The following FAM13A variants were observed in gnomAD, a reference collection of about 807,000 sequenced individuals.
The protein encoded by FAM13A is family with sequence similarity 13 member A.
A neutral mutation model predicts 129.6 loss-of-function variants in FAM13A; 76 were observed. The ratio of observed to expected loss-of-function variants is 0.59; its 90% CI spans 0.49 to 0.71. The LOEUF (loss-of-function observed/expected upper bound fraction) is 0.71, where lower values mean the gene tolerates loss of function less well. Among genes scored for constraint, FAM13A ranks in the 30% least tolerant of loss-of-function variants. The pLI, the probability that FAM13A is intolerant of heterozygous loss-of-function variation, is 0.00. For missense variants in FAM13A, 1,108 were observed against 1,249.3 expected (o/e 0.89, Z 1.70); for synonymous variants, 443 against 449.9 (o/e 0.98, Z 0.20).
At chr4:88,875,662 G>C (rs1375431029) in intron 6 of FAM13A, among the ~76,000 whole-genome samples, 1 of 152,180 alleles carries the variant, frequency 6.6e-6, no homozygotes, top group African/African-American at 2.4e-5. Context: ...AGAGAATGTG[G>C]AGAAATAGGA....
At chr4:89,028,170 C>T (rs1768219199) in intron 2 of FAM13A, among the ~76,000 whole-genome samples, 1 of 144,582 alleles carries the variant, frequency 6.9e-6, no homozygotes, top group African/African-American at 2.6e-5. Flanking sequence ...TACGCCATTG[C>T]ACTACAGCCT....
At chr4:88,951,039 C>CTGTTATGCTG (rs1756867605) in intron 4 of FAM13A, among the ~76,000 whole-genome samples, 1 of 152,168 alleles carries the variant, frequency 6.6e-6, no homozygotes, top group Non-Finnish European at 1.5e-5. Flanking sequence ...GCTGGGTCCT[C>CTGTTATGCTG]TGTTATGCTG....
intron 8 of FAM13A, among the ~76,000 whole-genome samples, chr4:88,793,469 T>C (rs1725577834): frequency 6.6e-6 from 1 of 152,026 alleles, no homozygotes; most frequent in Non-Finnish European, 1.5e-5. Flanking sequence ...CTTTGGAATT[T>C]CTGGTATATT....
intron 3 of FAM13A, among the ~76,000 whole-genome samples, chr4:89,016,660 G>C (rs1333518316): frequency 6.6e-6 from 1 of 152,000 alleles, no homozygotes; most frequent in African/African-American, 2.4e-5. Flanking sequence ...TTTGAGACAG[G>C]GTTTCACTCT....
At chr4:88,759,813 A>G (rs1744435408) in intron 13 of FAM13A, among the ~76,000 whole-genome samples, 1 of 152,210 alleles carries the variant, frequency 6.6e-6, no homozygotes, top group Non-Finnish European at 1.5e-5. Flanking sequence ...GCTGATATTC[A>G]AATTAATAAT....
intron 1 of FAM13A, among the ~76,000 whole-genome samples, chr4:89,046,686 C>CA (rs11314986): frequency 6.6e-6 from 1 of 151,720 alleles, no homozygotes; most frequent in East Asian, 1.9e-4. Context: ...CTCTTTTCTG[C>CA]AAAAAAATAC....
intron 4 of FAM13A, among the ~76,000 whole-genome samples, chr4:88,945,134 C>A (rs1484844885): frequency 6.6e-6 from 1 of 152,120 alleles, no homozygotes; most frequent in Non-Finnish European, 1.5e-5. Context: ...CTACATTATA[C>A]CTGTAATTAG....
chr4:88,870,603 G>A lies in FAM13A; in HGVS notation c.844-19420C>T, dbSNP rs139590501. ...GGGGAGGGGCATCTGCCATCACTGA[G>A]GCTTGAGTAGGTAAACAAAGCGGCC... On this transcript the variant is annotated intron_variant, in intron 6 of 23. Coordinates refer to ENST00000264344, the MANE Select transcript of FAM13A (RefSeq NM_014883.4). Among the ~76,000 whole-genome samples the A allele has an allele frequency of 1.8e-4, 27 of 152,362 alleles. No homozygotes were observed. In the East Asian group the frequency reaches 5.2e-3, roughly 29 times the overall value.
chr4:88,889,771 G>A (rs1478399559), intron 6 of FAM13A, among the ~76,000 whole-genome samples: 1 of 152,170 alleles, frequency 6.6e-6, no homozygotes, highest in Non-Finnish European at 1.5e-5. Context: ...GAAGATGGAA[G>A]CAGCCTGTGA....
chr4:88,963,246 ACAACAATGGGTTGGCCACC>A (rs1758874087), intron 4 of FAM13A, among the ~76,000 whole-genome samples: 1 of 152,144 alleles, frequency 6.6e-6, no homozygotes, highest in Admixed American at 6.5e-5. Flanking sequence ...CCCTTGCTTT[ACAACAATGGGTTGGCCACC>A]CAAAGAGAGA....
chr4:88,885,264 C>T (rs778853496), intron 6 of FAM13A, among the ~76,000 whole-genome samples: 3 of 152,106 alleles, frequency 2.0e-5, no homozygotes, highest in Non-Finnish European at 4.4e-5. Context: ...TCAAACTATA[C>T]TATAAGGCCA....
At chr4:88,891,347 G>A (rs1745279226) in intron 6 of FAM13A, among the ~76,000 whole-genome samples, 1 of 152,160 alleles carries the variant, frequency 6.6e-6, no homozygotes, top group Admixed American at 6.5e-5. Context: ...ACGAACATGG[G>A]AGATTGAGGC....
chr4:88,802,120 T>C (rs913462265), intron 8 of FAM13A, among the ~76,000 whole-genome samples: 14 of 152,262 alleles, frequency 9.2e-5, no homozygotes, highest in African/African-American at 3.4e-4. Context: ...CAGCCTAGAC[T>C]ATAAGAGAGA....
At chr4:88,893,117 T>C (rs183666439) in intron 6 of FAM13A, among the ~76,000 whole-genome samples, 1 of 152,306 alleles carries the variant, frequency 6.6e-6, no homozygotes, top group East Asian at 1.9e-4. Flanking sequence ...AATAAACATA[T>C]GACAACATAA....
Position 89,025,378 on chromosome 4 carries a change from C to T in FAM13A, c.217+4082G>A, listed in dbSNP as rs189937217. On this transcript the variant is annotated intron_variant, in intron 2 of 23. Transcript: ENST00000264344. ...TTCCCGGGTTCACGCCATTCTCCTG[C>T]CTCAGCCTCCCGAGTAGCTGGGACT... Among the ~76,000 whole-genome samples, 18 of 150,126 alleles carry T rather than the reference C, an allele frequency of 1.2e-4. No homozygotes were observed. In the East Asian group the frequency reaches 1.6e-3, roughly 13 times the overall value.
At chr4:88,839,400 T>A (rs539285441) in intron 7 of FAM13A, among the ~76,000 whole-genome samples, 4 of 152,094 alleles carry the variant, frequency 2.6e-5, no homozygotes, top group Admixed American at 1.3e-4. Context: ...GGCAATAGAG[T>A]GTATAGAGGA....
At chr4:89,053,659 A>C (rs1346325297) in intron 1 of FAM13A, among the ~76,000 whole-genome samples, 1 of 152,114 alleles carries the variant, frequency 6.6e-6, no homozygotes, top group East Asian at 1.9e-4. Context: ...ACCAGCATGA[A>C]CTGGGGACAA....
chr4:89,022,217 A>G (rs999947223), intron 2 of FAM13A, among the ~76,000 whole-genome samples: 4 of 152,154 alleles, frequency 2.6e-5, no homozygotes, highest in Non-Finnish European at 1.5e-5. Context: ...GAGGAAGCTA[A>G]TTTTATTTTA....
At position 88,938,138 on chromosome 4, in the gene FAM13A, CT is replaced by C; in HGVS notation, c.708del (p.Glu237LysfsTer5). On this transcript the variant is annotated frameshift_variant, in exon 5 of 24. Coordinates refer to ENST00000264344, the MANE Select transcript of FAM13A (RefSeq NM_014883.4). LOFTEE classifies it high-confidence loss of function. ...TTTTCACATCTCAGATGATCATTTT[CT>C]GTATACTCTACTTCAAACAGGGTAT... The part of the protein sequence containing the change: ...NYNTLFEVEY[T>X]ENDHLRCENL... The C allele has an allele frequency of 6.2e-7, 1 of 1,613,414 alleles. No individual in the cohort carries two copies. The highest frequency in any genetic ancestry group is 8.5e-7 in the Non-Finnish European group (1 of 1,179,440).
Sources: gnomAD v4.1 joint callset for allele counts (sites outside exome capture counted in the v4.1 genomes callset) on GRCh38, gnomAD v4.1.1 for gene constraint, MANE v1.5 for transcripts, NCBI Gene and HGNC (gene_info 2026-07-23, HGNC 2026-07-21) for gene names.